The following NRXN1 variants were observed in gnomAD, a reference collection of about 807,000 sequenced individuals.
NRXN1 encodes the protein neurexin 1, also known as neurexin-1.
NRXN1 carries 39 observed loss-of-function variants against 150.9 expected under a neutral mutation model. That is an observed-to-expected ratio of 0.26 (90% confidence interval 0.20 to 0.34). The LOEUF is 0.34. Ranked by LOEUF, NRXN1 falls within the 10% of genes least tolerant of loss-of-function variation. The probability of loss-of-function intolerance (pLI) is 1.00; values close to 1 mark genes in which losing one functional copy is unlikely to be tolerated. For synonymous variants in NRXN1, 924 were observed against 757.0 expected (o/e 1.22, Z -3.62); for missense variants, 1,815 against 1,949.9 (o/e 0.93, Z 1.30).
intron 5 of NRXN1, among the ~76,000 whole-genome samples, chr2:50,820,609 C>T (rs1273423202): frequency 6.6e-6 from 1 of 152,102 alleles, no homozygotes; most frequent in African/African-American, 2.4e-5. Flanking sequence ...TCTTGTTTGC[C>T]GTCTGCCTTT....
At chr2:51,010,332 G>A (rs925545614) in intron 2 of NRXN1, among the ~76,000 whole-genome samples, 1 of 152,026 alleles carries the variant, frequency 6.6e-6, no homozygotes, top group South Asian at 2.1e-4. Flanking sequence ...ACATAAATAA[G>A]TATATAAATT....
chr2:51,005,005 A>G (rs1237453064), intron 2 of NRXN1, among the ~76,000 whole-genome samples: 2 of 152,022 alleles, frequency 1.3e-5, no homozygotes, highest in Non-Finnish European at 2.9e-5. Flanking sequence ...ATCTACATAC[A>G]TATCTACTAC....
chr2:50,842,523 A>G (rs1329395901), intron 5 of NRXN1, among the ~76,000 whole-genome samples: 1 of 152,216 alleles, frequency 6.6e-6, no homozygotes, highest in Admixed American at 6.5e-5. Flanking sequence ...ATAATAAAGG[A>G]TGAATACAAC....
At chr2:49,922,956 C>T (rs376488423) in intron 22 of NRXN1, among the ~76,000 whole-genome samples, 6 of 152,266 alleles carry the variant, frequency 3.9e-5, no homozygotes, top group African/African-American at 7.2e-5. Context: ...GTTTTAAATA[C>T]AGTCTAGATT....
At chr2:50,046,443 A>G (rs957565225) in intron 21 of NRXN1, among the ~76,000 whole-genome samples, 11 of 152,218 alleles carry the variant, frequency 7.2e-5, no homozygotes, top group Admixed American at 6.5e-4. Context: ...CTTTAAAGGT[A>G]AGAAAGATGC....
chr2:50,863,927 TAA>T (rs1175536097), intron 5 of NRXN1, among the ~76,000 whole-genome samples: 8 of 152,010 alleles, frequency 5.3e-5, no homozygotes, highest in Non-Finnish European at 8.8e-5. Context: ...CACCAGGATT[TAA>T]AAATACAGCA....
At chr2:50,124,407 T>C (rs527813205) in intron 18 of NRXN1, among the ~76,000 whole-genome samples, 10 of 152,306 alleles carry the variant, frequency 6.6e-5, no homozygotes, top group African/African-American at 2.4e-4. Flanking sequence ...TCATTTTTCA[T>C]ATCACATACG....
intron 2 of NRXN1, among the ~76,000 whole-genome samples, chr2:50,953,685 C>A (rs1273021970): frequency 1.3e-5 from 2 of 151,876 alleles, no homozygotes; most frequent in African/African-American, 4.8e-5. Context: ...GCCTCGGCCT[C>A]CCAATAGCTG....
chr2:50,670,160 C>T (rs1042991648), intron 5 of NRXN1, among the ~76,000 whole-genome samples: 31 of 151,626 alleles, frequency 2.0e-4, no homozygotes, highest in Admixed American at 1.6e-3. Context: ...TGAATAAATA[C>T]AGGTCTTTTC....
chr2:50,447,737 TTATATATATATATATATATATATATA>T lies in NRXN1; in HGVS notation c.3364+17679_3364+17704del, dbSNP rs70948710. Among the ~76,000 whole-genome samples the T allele has an allele frequency of 1.6e-3, 60 of 37,932 alleles. 2 individuals are homozygous for T. Among genetic ancestry groups the T allele is most frequent in the East Asian group, 4.1e-3 (2 of 486 alleles). The allele number at this position is 37,932 out of a possible 152,430, so 24.9% of individuals were successfully genotyped here. A position where few individuals can be genotyped will look rare whatever the true frequency, so the allele number is the denominator to read the frequency against. On this transcript the variant is annotated intron_variant, in intron 17 of 22. Transcript: ENST00000401669. Reference sequence around the variant, plus strand: ...AAATCACATAGTAAGCAGGGGAACGTTATATATATATATATATATATATATATATATATATATATATACCTAATTCC... The same window carrying T: ...AAATCACATAGTAAGCAGGGGAACGTTATATATATATATATACCTAATTCC...
chr2:50,432,972 C>A (rs1317519745), intron 17 of NRXN1, among the ~76,000 whole-genome samples: 2 of 152,150 alleles, frequency 1.3e-5, no homozygotes, highest in Non-Finnish European at 2.9e-5. Flanking sequence ...GGACCTAAAC[C>A]AGTTAAGGCA....
chr2:50,714,094 A>G (rs1252376134), intron 5 of NRXN1, among the ~76,000 whole-genome samples: 4 of 152,180 alleles, frequency 2.6e-5, no homozygotes, highest in African/African-American at 9.6e-5. Flanking sequence ...TAGAAAAGGT[A>G]GCAAGATACT....
At chr2:49,979,902 T>G (rs1265339866) in intron 21 of NRXN1, among the ~76,000 whole-genome samples, 2 of 115,822 alleles carry the variant, frequency 1.7e-5, no homozygotes, top group Non-Finnish European at 4.1e-5. Context: ...ATATTGTTTT[T>G]TTGGTTTTTT....
At chr2:50,969,181 A>G (rs1694603554) in intron 2 of NRXN1, among the ~76,000 whole-genome samples, 1 of 152,126 alleles carries the variant, frequency 6.6e-6, no homozygotes, top group East Asian at 1.9e-4. Context: ...AAAGTCAGAC[A>G]TGCTCTTTAT....
chr2:50,116,700 C>T (rs1203812929), intron 18 of NRXN1, among the ~76,000 whole-genome samples: 1 of 152,058 alleles, frequency 6.6e-6, no homozygotes, highest in African/African-American at 2.4e-5. Flanking sequence ...ATCTTCCTTC[C>T]CCAACACAGC....
Position 50,991,130 on chromosome 2 carries a change from G to A in NRXN1, c.772+36372C>T, listed in dbSNP as rs567681015. On this transcript the variant is annotated intron_variant, in intron 2 of 22. Transcript: ENST00000401669. Reference sequence around the variant, plus strand: ...TTTCCCTCAAATAAATGGCAGGTCTGTCATTTCTTTGTTGTCCTGAATAAG... The same window carrying A: ...TTTCCCTCAAATAAATGGCAGGTCTATCATTTCTTTGTTGTCCTGAATAAG... Among the ~76,000 whole-genome samples the A allele has an allele frequency of 2.6e-4, 40 of 152,140 alleles. 1 individual carries two copies. The South Asian group carries it at 6.4e-3, about 24-fold the overall frequency.
At chr2:50,678,057 G>A (rs1383295950) in intron 5 of NRXN1, among the ~76,000 whole-genome samples, 1 of 152,070 alleles carries the variant, frequency 6.6e-6, no homozygotes, top group Admixed American at 6.6e-5. Flanking sequence ...GTAAGGGTCT[G>A]AGATATTACA....
At chr2:50,671,629 A>C (rs1688870157) in intron 5 of NRXN1, among the ~76,000 whole-genome samples, 2 of 151,790 alleles carry the variant, frequency 1.3e-5, no homozygotes, top group Admixed American at 1.3e-4. Flanking sequence ...GTAGTATAAG[A>C]AAGCATGCTG....
intron 17 of NRXN1, among the ~76,000 whole-genome samples, chr2:50,435,942 C>T (rs1467844725): frequency 1.3e-5 from 2 of 151,916 alleles, no homozygotes; most frequent in Non-Finnish European, 2.9e-5. Flanking sequence ...CACATGTACC[C>T]CTAAACTAAA....
Sources: gnomAD v4.1 joint callset for allele counts (sites outside exome capture counted in the v4.1 genomes callset) on GRCh38, gnomAD v4.1.1 for gene constraint, MANE v1.5 for transcripts, NCBI Gene and HGNC (gene_info 2026-07-23, HGNC 2026-07-21) for gene names.